The following PARP15 variants were observed in gnomAD, a reference collection of about 807,000 sequenced individuals.
PARP15 encodes the protein protein mono-ADP-ribosyltransferase PARP15.
Under a neutral mutation model 62.1 loss-of-function variants are expected in PARP15, and 50 were observed. The observed-to-expected ratio is 0.81, with a 90% confidence interval of 0.64 to 1.02. The LOEUF (loss-of-function observed/expected upper bound fraction) is 1.02, where lower values mean the gene tolerates loss of function less well. Ranked by LOEUF, PARP15 falls within the 50% of genes least tolerant of loss-of-function variation. The pLI, the probability that PARP15 is intolerant of heterozygous loss-of-function variation, is 0.00. For synonymous variants in PARP15, 309 were observed against 293.1 expected, an observed-to-expected ratio of 1.05 and a Z score of -0.55; for missense variants, 820 against 826.5, an observed-to-expected ratio of 0.99 and a Z score of 0.10.
chr3:122,596,483 C>CT (rs1478900488), intron 1 of PARP15, among the ~76,000 whole-genome samples: 1 of 151,302 alleles, frequency 6.6e-6, no homozygotes, highest in African/African-American at 2.4e-5. Flanking sequence ...GATAGCAACT[C>CT]TATCCTCCTA....
intron 1 of PARP15, among the ~76,000 whole-genome samples, chr3:122,587,803 T>C (rs1391943693): frequency 6.6e-6 from 1 of 152,206 alleles, no homozygotes; most frequent in African/African-American, 2.4e-5. Flanking sequence ...TACAGGCTGG[T>C]GTGAGCCACT....
At chr3:122,581,520 ATTC>A (rs2080801317) in intron 1 of PARP15, among the ~76,000 whole-genome samples, 1 of 151,874 alleles carries the variant, frequency 6.6e-6, no homozygotes, top group Non-Finnish European at 1.5e-5. Context: ...ATCTTTTTAT[ATTC>A]TTGTCATCCA....
intron 1 of PARP15, among the ~76,000 whole-genome samples, chr3:122,593,443 A>C (rs984754206): frequency 6.6e-6 from 1 of 152,142 alleles, no homozygotes; most frequent in African/African-American, 2.4e-5. Flanking sequence ...CGCCTGGCCA[A>C]TTTATATTTT....
At chr3:122,581,826 C>G (rs527923058) in intron 1 of PARP15, among the ~76,000 whole-genome samples, 1 of 152,252 alleles carries the variant, frequency 6.6e-6, no homozygotes, top group South Asian at 2.1e-4. Context: ...TCAATGCCAT[C>G]AAGCTTTTCT....
intron 2 of PARP15, among the ~76,000 whole-genome samples, chr3:122,608,213 C>CTT (rs71136576): frequency 0.012 from 1,365 of 113,882 alleles, 55 homozygotes; most frequent in African/African-American, 0.04. Context: ...TTTCTCTTTT[C>CTT]TTTTTTTTTT....
At chr3:122,613,015 A>T (rs755949633) in intron 3 of PARP15, 26 bp from the exon 4 acceptor site, 2 of 1,525,488 alleles carry the variant, frequency 1.3e-6, no homozygotes, top group South Asian at 2.4e-5. Context: ...GCCCTAACTT[A>T]TGTAAATGTA....
At position 122,605,965 on chromosome 3, in the gene PARP15, T is replaced by C. The variant is rs200038668; in HGVS notation, c.216T>C (p.Asp72=). Reference sequence around the variant, plus strand: ...GAGACAACAAGTTCAGCAAGAAAGATTGTCTTTCAATCAGGAATGTTGTAG... The same window carrying C: ...GAGACAACAAGTTCAGCAAGAAAGACTGTCTTTCAATCAGGAATGTTGTAG... ...MSRDNKFSKK[D]CLSIRNVVAS... is the part of the protein sequence containing the mutation. The change falls in exon 2 of 12, where the codon GAT becomes GAC. Residue 72 remains aspartate, a synonymous_variant. Transcript: ENST00000464300. The C allele has an allele frequency of 3.2e-4, 499 of 1,551,540 alleles. 1 individual carries two copies. The highest frequency in any genetic ancestry group is 1.3e-3 in the Middle Eastern group (8 of 6,010).
At chr3:122,610,791 G>C in intron 3 of PARP15, 61 bp downstream of exon 3, 2 of 1,397,932 alleles carry the variant, frequency 1.4e-6, no homozygotes, top group Non-Finnish European at 1.9e-6. Context: ...CTTCTGGTGT[G>C]GTATAGATCT....
At chr3:122,612,643 T>G (rs374071737) in intron 3 of PARP15, among the ~76,000 whole-genome samples, 7 of 152,278 alleles carry the variant, frequency 4.6e-5, no homozygotes, top group East Asian at 1.9e-4. Context: ...GGTTTCACTG[T>G]GTTAGCCAGG....
intron 9 of PARP15, among the ~76,000 whole-genome samples, chr3:122,631,745 G>C (rs543899211): frequency 6.6e-6 from 1 of 152,162 alleles, no homozygotes; most frequent in Non-Finnish European, 1.5e-5. Flanking sequence ...AAAAGCAAAA[G>C]CATCTATAAA....
intron 8 of PARP15, 126 bp from the exon 9 acceptor site, chr3:122,626,697 TGTGA>T: frequency 2.7e-6 from 2 of 738,040 alleles, no homozygotes; most frequent in Non-Finnish European, 4.5e-6. Flanking sequence ...ACCAACTAGC[TGTGA>T]GTGTCAGATC....
intron 1 of PARP15, among the ~76,000 whole-genome samples, chr3:122,586,678 T>C (rs1933455561): frequency 6.6e-6 from 1 of 152,088 alleles, no homozygotes; most frequent in Non-Finnish European, 1.5e-5. Context: ...CCCAGCACAA[T>C]TTAGCAGAAA....
intron 8 of PARP15, among the ~76,000 whole-genome samples, chr3:122,626,389 G>T (rs1936732101): frequency 6.6e-6 from 1 of 152,030 alleles, no homozygotes; most frequent in South Asian, 2.1e-4. Flanking sequence ...TAGTAGAGAT[G>T]GGGTTTCACC....
chr3:122,611,677 T>C (rs1261157606), intron 3 of PARP15, among the ~76,000 whole-genome samples: 1 of 152,062 alleles, frequency 6.6e-6, no homozygotes, highest in Non-Finnish European at 1.5e-5. Context: ...CTATATTTCC[T>C]TCAAGTCAAC....
chr3:122,591,765 A>ACCTCACTTTTTTTG lies in PARP15; in HGVS notation c.186+13912_186+13913insCCTCACTTTTTTTG, dbSNP rs1933942711. On this transcript the variant is annotated intron_variant, in intron 1 of 11. Transcript: ENST00000464300. Reference sequence around the variant, plus strand: ...TGGTGACAGAGCGAGACTCTGTCTCAAAAAAAAAAAAAAAAAGGTATTGAT... The same window carrying ACCTCACTTTTTTTG: ...TGGTGACAGAGCGAGACTCTGTCTCACCTCACTTTTTTTGAAAAAAAAAAAAAAAAGGTATTGAT... 1.0e-3 allele frequency among the ~76,000 whole-genome samples: 3 copies of ACCTCACTTTTTTTG among 2,992 alleles called. No individual in the cohort carries two copies. The South Asian group carries it at 0.025, about 25-fold the overall frequency. 2.0% of individuals were successfully genotyped at this position (2,992 alleles called of 152,430 possible).
At chr3:122,594,497 T>C (rs1553249) in intron 1 of PARP15, 933,827 of 964,796 alleles carry the variant, frequency 0.97, 452,622 homozygotes, top group Non-Finnish European at 0.98. Flanking sequence ...ATCCTGTTCC[T>C]CAAACGATCT....
chr3:122,614,313 A>G (rs1230782425), intron 4 of PARP15, among the ~76,000 whole-genome samples: 1 of 152,206 alleles, frequency 6.6e-6, no homozygotes, highest in African/African-American at 2.4e-5. Context: ...AATTGCTACA[A>G]CTTACTAACA....
chr3:122,622,540 T>G (rs1407004317), intron 8 of PARP15, among the ~76,000 whole-genome samples: 6 of 152,196 alleles, frequency 3.9e-5, no homozygotes, highest in Non-Finnish European at 8.8e-5. Context: ...CTCCCCCATC[T>G]GGTTTACTTC....
Position 122,577,799 on chromosome 3 carries a change from G to A in PARP15, c.132G>A (p.Pro44=). The A allele has an allele frequency of 3.9e-6, 6 of 1,550,980 alleles. No homozygotes were observed. Among genetic ancestry groups the A allele is most frequent in the South Asian group, 1.2e-5 (1 of 84,012 alleles). ...ATCGGGAGGCGGGGAGCGTGCTGCC[G>A]GCCGGGAACCGTGGGGCGCGGAAGG... ...GRDREAGSVL[P]AGNRGARKAS... Residue 44 remains proline, a synonymous_variant, in exon 1 of 12, where the codon CCG becomes CCA. Coordinates refer to ENST00000464300, the MANE Select transcript of PARP15 (RefSeq NM_001113523.3).
Sources: allele counts gnomAD v4.1 joint callset (sites outside exome capture counted in the v4.1 genomes callset), GRCh38; gene constraint gnomAD v4.1.1; transcripts MANE v1.5; gene names NCBI Gene and HGNC (gene_info 2026-07-23, HGNC 2026-07-21).